The following FILIP1 variants were observed in gnomAD, a reference collection of about 807,000 sequenced individuals.
FILIP1 encodes filamin A interacting protein 1.
Under a neutral mutation model 102.1 loss-of-function variants are expected in FILIP1, and 61 were observed. The ratio of observed to expected loss-of-function variants is 0.60; its 90% CI spans 0.49 to 0.74. The LOEUF (loss-of-function observed/expected upper bound fraction) is 0.74. FILIP1 is among the 30% of genes least tolerant of loss of function. FILIP1 has a pLI of 0.00. For missense variants in FILIP1, 1,314 were observed against 1,441.2 expected (o/e 0.91, Z 1.43); for synonymous variants, 491 against 526.9 (o/e 0.93, Z 0.93).
intron 2 of FILIP1, among the ~76,000 whole-genome samples, chr6:75,390,264 C>A (rs940710133): frequency 6.6e-6 from 1 of 152,188 alleles, no homozygotes; most frequent in Non-Finnish European, 1.5e-5. Context: ...CCAAATAATT[C>A]TCTCTCCCTG....
chr6:75,353,838 T>C, intron 3 of FILIP1, 121 bp from the exon 4 acceptor site: 1 of 884,464 alleles, frequency 1.1e-6, no homozygotes, highest in Non-Finnish European at 1.7e-6. Context: ...GAGTCTGGTA[T>C]TCACCACCAT....
intron 1 of FILIP1, among the ~76,000 whole-genome samples, chr6:75,432,316 T>C (rs73461737): frequency 0.01 from 1,559 of 152,316 alleles, 39 homozygotes; most frequent in African/African-American, 0.036. Context: ...TTCGAATTAT[T>C]TTCAGGACCT....
chr6:75,350,400 G>GTT (rs10602538), intron 4 of FILIP1, among the ~76,000 whole-genome samples: 8 of 136,440 alleles, frequency 5.9e-5, no homozygotes, highest in African/African-American at 1.4e-4. Flanking sequence ...TTTTTTTAAA[G>GTT]TTTTTTTTTT....
rs1285198115 is a variant in FILIP1, at chr6:75,492,563, C to T, written c.-7+851G>A. Among the ~76,000 whole-genome samples the T allele has an allele frequency of 5.9e-5, 9 of 152,214 alleles. No homozygotes were observed. In the East Asian group the frequency reaches 1.7e-3, roughly 29 times the overall value. ...GTCATATTCAACATGAAATTGGTTA[C>T]TATAAGCAATTCTGATAAAATTGCA... On this transcript the variant is annotated intron_variant, in intron 1 of 5. Transcript: ENST00000237172.
chr6:75,423,231 G>A (rs569674299), intron 1 of FILIP1, among the ~76,000 whole-genome samples: 1 of 152,284 alleles, frequency 6.6e-6, no homozygotes, highest in East Asian at 1.9e-4. Context: ...GAAAAAGCTT[G>A]ATAAGTGGGT....
rs1773380456 is a variant in FILIP1 at position 75,314,947 on chromosome 6, T to C, written c.885A>G (p.Lys295=). 1.2e-6 allele frequency: 2 copies of C among 1,614,052 alleles called. No homozygotes were observed. The highest frequency in any genetic ancestry group is 2.2e-5 in the South Asian group (2 of 91,080). Reference sequence around the variant, plus strand: ...CAAAGTCCACTTCTAACTTGAGCAATTTCTGTCTGTCTTCTTTGGATTTGG... The same window carrying C: ...CAAAGTCCACTTCTAACTTGAGCAACTTCTGTCTGTCTTCTTTGGATTTGG... ...ITSKSKEDRQ[K]LLKLEVDFEH... The change falls in exon 5 of 6, where the codon AAA becomes AAG. Residue 295 remains lysine (K), a synonymous_variant. Coordinates refer to ENST00000237172, the MANE Select transcript of FILIP1 (RefSeq NM_015687.5).
chr6:75,401,291 T>G (rs563845859), intron 2 of FILIP1, among the ~76,000 whole-genome samples: 1 of 152,310 alleles, frequency 6.6e-6, no homozygotes, highest in African/African-American at 2.4e-5. Flanking sequence ...CTTGCAACCA[T>G]GAAACATCTT....
rs745896212 is a variant in FILIP1, at chr6:75,337,463, G to GC, written c.629+16075dup. 4.7e-4 allele frequency among the ~76,000 whole-genome samples: 71 copies of GC among 152,268 alleles called. 1 individual carries two copies. Among genetic ancestry groups the GC allele is most frequent in the Middle Eastern group, 6.8e-3 (2 of 294 alleles). On this transcript the variant is annotated intron_variant, in intron 4 of 5. Coordinates refer to ENST00000237172, the MANE Select transcript of FILIP1 (RefSeq NM_015687.5). ...TGAATTATGAAAAAGATCTAGTTTA[G>GC]CATATGGCAAGTTGGAAGTTTCTCA...
rs539522146 is a variant in FILIP1, at chr6:75,328,604, T to G, written c.630-13402A>C. The stretch of plus-strand genomic sequence containing the variant: ...CCCGGGTTTAAGCAATTCTCCTGCC[T>G]CAGCCTCATGAGTAGCTGGGATTAC... On this transcript the variant is annotated intron_variant, in intron 4 of 5. Transcript: ENST00000237172. Among the ~76,000 whole-genome samples, 5 of 152,202 alleles carry G rather than the reference T, an allele frequency of 3.3e-5. No homozygotes were observed. The South Asian group carries it at 1.0e-3, about 31-fold the overall frequency.
Position 75,472,084 on chromosome 6 carries a change from C to A in FILIP1, c.-7+21330G>T, listed in dbSNP as rs568826650. Among the ~76,000 whole-genome samples, 27 of 152,190 alleles carry A rather than the reference C, an allele frequency of 1.8e-4. 1 individual carries two copies. Among genetic ancestry groups the A allele is most frequent in the African/African-American group, 5.3e-4 (22 of 41,548 alleles). On this transcript the variant is annotated intron_variant, in intron 1 of 5. Coordinates refer to ENST00000237172, the MANE Select transcript of FILIP1 (RefSeq NM_015687.5). ...AGTACTGCAAGCAATTTGCTTTAAA[C>A]TGGTGAAATTAGTGAAACAACAGTC...
rs755243579 is a variant in FILIP1 at position 75,314,593 on chromosome 6, C to G, written c.1239G>C (p.Glu413Asp). ...TGAGCTCCTTACTATGGTGTTCTTC[C>G]TCTTGCAGCTTCTTCCTCAATTCCC... is the stretch of plus-strand genomic sequence containing the variant. ...QCRELRKKLQ[E>D]EEHHSKELRL... Residue 413 changes from glutamate (E) to aspartate (D), a missense_variant, in exon 5 of 6, where the codon GAG (glutamate) becomes GAC (aspartate). Physicochemically the swap from Glu to Asp is conservative, Grantham distance 45. Around this residue, in one of 3 missense-constraint regions of FILIP1, gnomAD observed 494 missense variants for 511.2 expected, o/e 0.97. Transcript: ENST00000237172. 2.5e-6 allele frequency: 4 copies of G among 1,613,794 alleles called. No individual in the cohort carries two copies. The African/African-American group carries it at 5.3e-5, about 22-fold the overall frequency.
chr6:75,323,066 A>C (rs564151049), intron 4 of FILIP1, among the ~76,000 whole-genome samples: 1 of 152,330 alleles, frequency 6.6e-6, no homozygotes, highest in African/African-American at 2.4e-5. Context: ...TTCAACTAGA[A>C]GACTTTAAAA....
chr6:75,418,067 G>A (rs191903664), intron 1 of FILIP1, among the ~76,000 whole-genome samples: 20 of 152,288 alleles, frequency 1.3e-4, no homozygotes, highest in African/African-American at 4.3e-4. Flanking sequence ...GCATGGTGGC[G>A]TGCGCCTGTA....
At chr6:75,385,223 A>G (rs1776048494) in intron 2 of FILIP1, among the ~76,000 whole-genome samples, 1 of 152,160 alleles carries the variant, frequency 6.6e-6, no homozygotes, top group African/African-American at 2.4e-5. Flanking sequence ...CAGACCAGAG[A>G]TCTCTCCATT....
chr6:75,370,766 A>G (rs1354404189), intron 2 of FILIP1, among the ~76,000 whole-genome samples: 2 of 151,636 alleles, frequency 1.3e-5, no homozygotes, highest in African/African-American at 4.8e-5. Context: ...TAGTAGAGAC[A>G]GGGTTTCACC....
intron 2 of FILIP1, among the ~76,000 whole-genome samples, chr6:75,405,386 AAAC>A (rs924312416): frequency 3.0e-4 from 45 of 152,152 alleles, no homozygotes; most frequent in Admixed American, 6.5e-5. Context: ...TGGCTATGTA[AAAC>A]AACAACAACA....
At chr6:75,390,751 T>C (rs1468252141) in intron 2 of FILIP1, among the ~76,000 whole-genome samples, 1 of 152,110 alleles carries the variant, frequency 6.6e-6, no homozygotes, top group Non-Finnish European at 1.5e-5. Context: ...GGCACACACA[T>C]CCAAACCATA....
intron 4 of FILIP1, among the ~76,000 whole-genome samples, chr6:75,336,337 G>C (rs545568454): frequency 2.0e-5 from 3 of 152,026 alleles, no homozygotes; most frequent in Non-Finnish European, 4.4e-5. Flanking sequence ...TAACTTACAG[G>C]GCTGTTATGA....
chr6:75,449,211 A>C (rs1778538362), intron 1 of FILIP1, among the ~76,000 whole-genome samples: 1 of 152,180 alleles, frequency 6.6e-6, no homozygotes, highest in Non-Finnish European at 1.5e-5. Flanking sequence ...CATTATTCTA[A>C]GTGAAGTAAC....
Sources: allele counts gnomAD v4.1 joint callset (sites outside exome capture counted in the v4.1 genomes callset), GRCh38; gene constraint gnomAD v4.1.1; regional missense constraint gnomAD v4.1.1; transcripts MANE v1.5; gene names NCBI Gene and HGNC (gene_info 2026-07-23, HGNC 2026-07-21).